Variants in EPS8L2 observed in about 807,000 individuals in gnomAD.
EPS8L2 encodes epidermal growth factor receptor kinase substrate 8-like protein 2.
Under a neutral mutation model 99.4 loss-of-function variants are expected in EPS8L2, and 81 were observed. The ratio of observed to expected loss-of-function variants is 0.82; its 90% CI spans 0.68 to 0.98. EPS8L2 has a LOEUF of 0.98. EPS8L2 is among the 50% of genes least tolerant of loss of function. The pLI is 0.00. For synonymous variants in EPS8L2, 509 were observed against 407.3 expected, an observed-to-expected ratio of 1.25 and a Z score of -3.01; for missense variants, 1,155 against 968.8, an observed-to-expected ratio of 1.19 and a Z score of -2.55.
chr11:722,364 TG>T, intron 12 of EPS8L2, 36 bp from the exon 13 acceptor site: 1 of 1,604,382 alleles, frequency 6.2e-7, no homozygotes. Flanking sequence ...CCAGGGTCTG[TG>T]GGCCTCAGTC....
At chr11:720,262 G>A (rs770128256) in intron 5 of EPS8L2, 39 bp downstream of exon 5, 4 of 1,601,668 alleles carry the variant, frequency 2.5e-6, no homozygotes, top group African/African-American at 2.7e-5. Context: ...AGCACAGTGG[G>A]TAGAGGCGGT....
intron 1 of EPS8L2, chr11:706,899 G>C (rs534515314): frequency 6.6e-6 from 1 of 152,642 alleles, no homozygotes; most frequent in African/African-American, 2.4e-5. Flanking sequence ...CAGGAGGGTG[G>C]GCTGGCAGGA....
chr11:727,420 AG>A lies in EPS8L2; in HGVS notation c.*445del. On this transcript the variant is annotated 3_prime_UTR_variant, in exon 21 of 21. Transcript: ENST00000318562. ...CACACACGCAGAGTTCTGCTCCCTG[AG>A]GGGGGCCCGGGAGGGGCTCCAGCAG... The A allele has an allele frequency of 6.5e-6, 1 of 154,178 alleles. No homozygotes were observed. The highest frequency in any genetic ancestry group is 1.4e-5 in the Non-Finnish European group (1 of 69,198). The allele number at this position is 154,178 out of a possible 1,614,324, so 9.6% of individuals were successfully genotyped here. A position where few individuals can be genotyped will look rare whatever the true frequency, so the allele number is the denominator to read the frequency against.
chr11:710,746 GAGAGAA>G (rs1482445084), intron 4 of EPS8L2, among the ~76,000 whole-genome samples: 3 of 111,570 alleles, frequency 2.7e-5, no homozygotes, highest in Non-Finnish European at 5.2e-5. Context: ...CAAAACGAAA[GAGAGAA>G]AGAGAGAAAG....
At chr11:720,420 G>A (rs547570959) in intron 5 of EPS8L2, 177 bp from the exon 6 acceptor site, 1 of 1,164,860 alleles carries the variant, frequency 8.6e-7, no homozygotes, top group Admixed American at 2.4e-5. Context: ...TGGAAGCCGG[G>A]GTCAGCCTTG....
At chr11:713,256 G>A (rs1861935642) in intron 4 of EPS8L2, among the ~76,000 whole-genome samples, 2 of 152,190 alleles carry the variant, frequency 1.3e-5, no homozygotes. Flanking sequence ...ATGTGTACGT[G>A]GGGGTGTGGT....
chr11:726,782 C>G, intron 20 of EPS8L2, 31 bp downstream of exon 20: 3 of 1,580,146 alleles, frequency 1.9e-6, no homozygotes, highest in Non-Finnish European at 2.6e-6. Context: ...GCGCCACGCC[C>G]CTCCTGCCCC....
chr11:709,472 C>G (rs945942478), intron 2 of EPS8L2, 21 bp downstream of exon 2: 1 of 1,599,200 alleles, frequency 6.3e-7, no homozygotes, highest in Non-Finnish European at 8.5e-7. Context: ...CCACCCATCC[C>G]GAATACCCCA....
At chr11:719,071 T>G (rs1464780411) in intron 4 of EPS8L2, among the ~76,000 whole-genome samples, 1 of 150,560 alleles carries the variant, frequency 6.6e-6, no homozygotes, top group Admixed American at 6.7e-5. Flanking sequence ...GTTCAAGTGA[T>G]TCTCCCACCT....
intron 4 of EPS8L2, among the ~76,000 whole-genome samples, chr11:715,106 A>T (rs547571444): frequency 1.3e-5 from 2 of 152,056 alleles, no homozygotes; most frequent in Admixed American, 1.3e-4. Context: ...GCCAGGTGGG[A>T]TGGCGGGTGC....
At chr11:720,431 C>CG (rs1862125507) in intron 5 of EPS8L2, 166 bp from the exon 6 acceptor site, 1 of 1,209,586 alleles carries the variant, frequency 8.3e-7, no homozygotes, top group Admixed American at 2.3e-5. Context: ...GTCAGCCTTG[C>CG]GGTACAGCTG....
rs369273038 is a variant in EPS8L2 at position 722,413 on chromosome 11, T to C, written c.1072T>C (p.Cys358Arg). 61 of 1,613,088 alleles carry C rather than the reference T, an allele frequency of 3.8e-5. No homozygotes were observed. Among genetic ancestry groups the C allele is most frequent in the Non-Finnish European group, 5.1e-5 (60 of 1,179,868 alleles). Residue 358 changes from cysteine to arginine, a missense_variant, in exon 13 of 21, where the codon TGC becomes CGC. Transcript: ENST00000318562. Reference protein sequence around the residue: ...FGPLDLIVNTCSGPDIARSVS... With the variant: ...FGPLDLIVNTRSGPDIARSVS... Reference sequence around the variant, plus strand: ...CACTGTGCCCCAGATCGTCAACACCTGCAGTGGCCCAGACATCGCACGCTC... The same window carrying C: ...CACTGTGCCCCAGATCGTCAACACCCGCAGTGGCCCAGACATCGCACGCTC...
chr11:707,495 C>T (rs1464222693), intron 1 of EPS8L2, among the ~76,000 whole-genome samples: 4 of 152,210 alleles, frequency 2.6e-5, no homozygotes, highest in East Asian at 1.9e-4. Context: ...CCCGACTGAC[C>T]GGGCACCCCG....
chr11:710,121 C>T (rs1209600627), intron 3 of EPS8L2: 2 of 418,096 alleles, frequency 4.8e-6, no homozygotes, highest in Non-Finnish European at 8.8e-6. Flanking sequence ...GGACCCCCTT[C>T]CTGTCCCCTC....
chr11:723,425 G>C (rs1862242238), intron 15 of EPS8L2, 72 bp downstream of exon 15: 2 of 647,184 alleles, frequency 3.1e-6, no homozygotes, highest in South Asian at 5.3e-5. Context: ...AAAACATATG[G>C]GTACGCTGCC....
intron 6 of EPS8L2, 30 bp downstream of exon 6, chr11:720,776 G>GGCCCC (rs1253930389): frequency 1.7e-5 from 26 of 1,532,806 alleles, no homozygotes; most frequent in African/African-American, 2.8e-5. Flanking sequence ...GGCAGGGTGG[G>GGCCCC]GCCCCGCCGC....
chr11:710,958 G>A (rs1453142404), intron 4 of EPS8L2, among the ~76,000 whole-genome samples: 1 of 152,194 alleles, frequency 6.6e-6, no homozygotes, highest in African/African-American at 2.4e-5. Flanking sequence ...GCAGCCCAGG[G>A]TGTGCCGGGA....
At position 709,356 on chromosome 11, in the gene EPS8L2, C is replaced by T. The variant is rs1440547344; in HGVS notation, c.-52C>T. ...TGTGGGACAGGCACTGGCCTCAGAC[C>T]GGGGCCACACTGAGGTCTGCCCTTC... On this transcript the variant is annotated 5_prime_UTR_variant, in exon 2 of 21. Coordinates refer to ENST00000318562, the MANE Select transcript of EPS8L2 (RefSeq NM_022772.4). The T allele has an allele frequency of 1.2e-5, 18 of 1,545,034 alleles. No homozygotes were observed. The highest frequency in any genetic ancestry group is 3.9e-5 in the Admixed American group (2 of 51,232).
In EPS8L2 at chr11:724,361, G is replaced by A. The variant is rs1215333433; in HGVS notation, c.1455-363G>A. 6.6e-6 allele frequency among the ~76,000 whole-genome samples: 1 copy of A among 152,166 alleles called. No homozygotes were observed. Among genetic ancestry groups the A allele is most frequent in the Non-Finnish European group, 1.5e-5 (1 of 68,018 alleles). On this transcript the variant is annotated intron_variant, in intron 15 of 20. Coordinates refer to ENST00000318562, the MANE Select transcript of EPS8L2 (RefSeq NM_022772.4). The surrounding 1 kb of genome is among the most constrained non-coding windows in gnomAD (Gnocchi z 5.5). ...CTCTGAAGACATGCTGGCCCTCACT[G>A]GCCAGCTGCGGGGAGCTGTGACCCT...
Sources: gnomAD v4.1 joint callset for allele counts (sites outside exome capture counted in the v4.1 genomes callset) on GRCh38, gnomAD v4.1.1 for gene constraint, Gnocchi (gnomAD v3.1) non-coding constraint, MANE v1.5 for transcripts, NCBI Gene and HGNC (gene_info 2026-07-23, HGNC 2026-07-21) for gene names.